The following CDH4 variants were observed in gnomAD, a reference collection of about 807,000 sequenced individuals.
CDH4 encodes cadherin 4.
In CDH4, 33 loss-of-function variants were observed where a neutral mutation model predicts 86.0. That is an observed-to-expected ratio of 0.38 (90% CI 0.29 to 0.51). CDH4 has a LOEUF of 0.51. Among genes scored for constraint, CDH4 ranks in the 20% least tolerant of loss-of-function variants. The pLI, the probability that CDH4 is intolerant of heterozygous loss-of-function variation, is 0.86. For synonymous variants in CDH4, 555 were observed against 549.4 expected (o/e 1.01, Z -0.14); for missense variants, 1,114 against 1,307.4 (o/e 0.85, Z 2.28).
intron 4 of CDH4, among the ~76,000 whole-genome samples, chr20:61,787,007 C>T (rs1310411685): frequency 6.6e-6 from 1 of 152,230 alleles, no homozygotes; most frequent in East Asian, 1.9e-4. Flanking sequence ...CTTCATTCTT[C>T]AGTTGTGGCC....
rs1482317460 is a variant in CDH4 at position 61,517,883 on chromosome 20, A to G, written c.170-225680A>G. Among the ~76,000 whole-genome samples, 1 of 152,150 alleles carries G rather than the reference A, an allele frequency of 6.6e-6. No homozygotes were observed. Among genetic ancestry groups the G allele is most frequent in the East Asian group, 1.9e-4 (1 of 5,176 alleles). ...TTCCGTCCCATGCAGGTGCCTCACA[A>G]AACCCATATACCCCTCAGGGTCCCT... is the stretch of plus-strand genomic sequence containing the variant. On this transcript the variant is annotated intron_variant, in intron 2 of 15. Coordinates refer to ENST00000614565, the MANE Select transcript of CDH4 (RefSeq NM_001794.5). This position sits in a 1 kb window ranked among gnomAD's most constrained non-coding sequence, Gnocchi z 6.6.
rs1482603797 is a variant in CDH4 at position 61,873,610 on chromosome 20, G to A, written c.878-118G>A. 25 of 1,056,206 alleles carry A rather than the reference G, an allele frequency of 2.4e-5. No individual in the cohort carries two copies. The South Asian group carries it at 2.8e-4, about 12-fold the overall frequency. 65.4% of individuals were successfully genotyped at this position (1,056,206 alleles called of 1,614,324 possible). A position where few individuals can be genotyped will look rare whatever the true frequency, so the allele number is the denominator to read the frequency against. On this transcript the variant is annotated intron_variant, in intron 6 of 15. Coordinates refer to ENST00000614565, the MANE Select transcript of CDH4 (RefSeq NM_001794.5). The stretch of plus-strand genomic sequence containing the variant: ...CTCTGAACACGCCGAGAGGAAGGGG[G>A]TTCCGCTACGCCAGACTCACGGAGA...
intron 3 of CDH4, among the ~76,000 whole-genome samples, chr20:61,751,175 G>T (rs1371566321): frequency 6.6e-6 from 1 of 152,122 alleles, no homozygotes; most frequent in African/African-American, 2.4e-5. Context: ...GAAAAAGATG[G>T]GAGGACACAT....
chr20:61,383,483 TATATATGAAATATATTATATA>T (rs2084924675), intron 2 of CDH4, among the ~76,000 whole-genome samples: 2 of 65,902 alleles, frequency 3.0e-5, no homozygotes, highest in African/African-American at 7.5e-5. Context: ...ATATATATGA[TATATATGAAATATATTATATA>T]TGATATATAT....
intron 2 of CDH4, among the ~76,000 whole-genome samples, chr20:61,542,956 C>A (rs1392213523): frequency 1.3e-5 from 2 of 152,234 alleles, no homozygotes; most frequent in Non-Finnish European, 2.9e-5. Context: ...AAGGCCTGAG[C>A]ACCCCTGGCA....
intron 2 of CDH4, among the ~76,000 whole-genome samples, chr20:61,345,270 A>G (rs2084672084): frequency 6.6e-6 from 1 of 152,210 alleles, no homozygotes; most frequent in African/African-American, 2.4e-5. Flanking sequence ...ATCGAGAGTG[A>G]CAACACGCCA....
chr20:61,844,621 C>T (rs746928224), intron 4 of CDH4, 47 bp from the exon 5 acceptor site: 4 of 1,568,164 alleles, frequency 2.6e-6, no homozygotes, highest in Non-Finnish European at 3.5e-6. Flanking sequence ...CCCCGGGCCT[C>T]TCCTCACCAC....
intron 2 of CDH4, among the ~76,000 whole-genome samples, chr20:61,665,872 T>C (rs2087317915): frequency 1.3e-5 from 2 of 152,164 alleles, no homozygotes; most frequent in Non-Finnish European, 2.9e-5. Context: ...CCAAGCGATA[T>C]TGGCTGTCAG....
intron 2 of CDH4, among the ~76,000 whole-genome samples, chr20:61,489,616 T>C (rs1050799055): frequency 2.0e-5 from 3 of 152,252 alleles, no homozygotes; most frequent in African/African-American, 7.2e-5. Flanking sequence ...AGTTGAACCC[T>C]CAGCCAGGGT....
chr20:61,265,586 C>G (rs1409635778), intron 2 of CDH4, among the ~76,000 whole-genome samples: 17 of 152,108 alleles, frequency 1.1e-4, no homozygotes, highest in African/African-American at 3.6e-4. Flanking sequence ...ACCTCAGTGG[C>G]TCCTTCATTC....
chr20:61,817,088 A>G (rs938808207), intron 4 of CDH4, among the ~76,000 whole-genome samples: 2 of 152,152 alleles, frequency 1.3e-5, no homozygotes, highest in Non-Finnish European at 2.9e-5. Context: ...GGCGACCCCC[A>G]CTTTGTCTGA....
At chr20:61,806,124 AT>A (rs879433708) in intron 4 of CDH4, among the ~76,000 whole-genome samples, 9 of 152,242 alleles carry the variant, frequency 5.9e-5, no homozygotes, top group Non-Finnish European at 1.2e-4. Context: ...GGAATTCCAC[AT>A]GTGTGTCTGT....
At chr20:61,405,217 C>G (rs1455921194) in intron 2 of CDH4, among the ~76,000 whole-genome samples, 2 of 151,902 alleles carry the variant, frequency 1.3e-5, no homozygotes, top group African/African-American at 4.8e-5. Context: ...ATCTGTGTCC[C>G]TCAGCAGAAG....
intron 4 of CDH4, among the ~76,000 whole-genome samples, chr20:61,791,235 G>A (rs535346244): frequency 6.6e-6 from 1 of 152,378 alleles, no homozygotes; most frequent in South Asian, 2.1e-4. Flanking sequence ...TTTGGGGAAA[G>A]CCATTCCATT....
At chr20:61,395,605 C>A (rs1353234337) in intron 2 of CDH4, among the ~76,000 whole-genome samples, 2 of 152,084 alleles carry the variant, frequency 1.3e-5, no homozygotes, top group Admixed American at 1.3e-4. Flanking sequence ...CATGGTGAGA[C>A]CCCATCTCTA....
At chr20:61,877,723 C>CTGAGCGGGCAGAGTGGGG (rs1984095181) in intron 7 of CDH4, among the ~76,000 whole-genome samples, 1 of 152,172 alleles carries the variant, frequency 6.6e-6, no homozygotes, top group Admixed American at 6.5e-5. Context: ...AGATCAGTTT[C>CTGAGCGGGCAGAGTGGGG]TGTCTTGTGC....
intron 2 of CDH4, among the ~76,000 whole-genome samples, chr20:61,420,754 G>A (rs965216236): frequency 6.6e-6 from 1 of 152,258 alleles, no homozygotes; most frequent in African/African-American, 2.4e-5. Flanking sequence ...TGTCCCACAG[G>A]GGAATAAGGT....
chr20:61,286,902 A>G (rs1221851685), intron 2 of CDH4, among the ~76,000 whole-genome samples: 1 of 152,228 alleles, frequency 6.6e-6, no homozygotes, highest in Non-Finnish European at 1.5e-5. Context: ...AGATGGAAGA[A>G]TGGGCAAGTT....
At chr20:61,308,265 G>A (rs2084427976) in intron 2 of CDH4, among the ~76,000 whole-genome samples, 1 of 152,208 alleles carries the variant, frequency 6.6e-6, no homozygotes, top group Admixed American at 6.5e-5. Flanking sequence ...GGGTTCTGCA[G>A]ATGAGTTCTT....
Sources: allele counts gnomAD v4.1 joint callset (sites outside exome capture counted in the v4.1 genomes callset), GRCh38; gene constraint gnomAD v4.1.1; non-coding constraint Gnocchi (gnomAD v3.1); transcripts MANE v1.5; gene names NCBI Gene and HGNC (gene_info 2026-07-23, HGNC 2026-07-21).